Variants in FMR1NB observed in about 807,000 individuals in gnomAD.
FMR1NB encodes FMR1 neighbor protein.
Under a neutral mutation model 16.8 loss-of-function variants are expected in FMR1NB, and 10 were observed. That is an observed-to-expected ratio of 0.60 (90% CI 0.37 to 1.01). The LOEUF (loss-of-function observed/expected upper bound fraction) is 1.01. Among genes scored for constraint, FMR1NB ranks in the 50% least tolerant of loss-of-function variants. FMR1NB has a pLI of 0.01. For missense variants in FMR1NB, 205 were observed against 204.8 expected (o/e 1.00, Z 0.00); for synonymous variants, 83 against 79.1 (o/e 1.05, Z -0.26).
At chrX:148,023,963 G>A (rs953848117) in intron 4 of FMR1NB, among the ~76,000 whole-genome samples, 4 of 111,243 alleles carry the variant, frequency 3.6e-5, no homozygotes, top group African/African-American at 1.3e-4. Context: ...TTTCCGTCTT[G>A]GTGCCTCAGT....
chrX:147,986,018 G>T (rs1172589540), intron 1 of FMR1NB, among the ~76,000 whole-genome samples: 2 of 112,254 alleles, frequency 1.8e-5, no homozygotes, highest in Non-Finnish European at 3.8e-5. Flanking sequence ...ATTCTAACTG[G>T]CTTGAGATGG....
chrX:147,981,509 C>A lies in FMR1NB; in HGVS notation c.107C>A (p.Ser36Ter). Residue 36 changes from serine to a stop codon, truncating the protein, a stop_gained, in exon 1 of 6, where the codon TCG becomes TAG. Coordinates refer to ENST00000370467, the MANE Select transcript of FMR1NB (RefSeq NM_152578.3). LOFTEE classifies it high-confidence loss of function. Reference protein sequence around the residue: ...LATYELAATESNPESSHPGYE... With the variant: ...LATYELAATE ...ACTTATGAGTTGGCGGCAACTGAGT[C>A]GAATCCCGAGAGCAGCCATCCTGGA... is the stretch of plus-strand genomic sequence containing the variant. 8.3e-7 allele frequency: 1 copy of A among 1,211,694 alleles called. No homozygotes were observed. Among genetic ancestry groups the A allele is most frequent in the Non-Finnish European group, 1.1e-6 (1 of 895,470 alleles).
At chrX:148,002,176 GA>G (rs2055605406) in intron 1 of FMR1NB, among the ~76,000 whole-genome samples, 1 of 111,374 alleles carries the variant, frequency 9.0e-6, no homozygotes, top group African/African-American at 3.3e-5. Context: ...CAATTACCTT[GA>G]AAAAAATATT....
chrX:148,002,573 A>G (rs2044576226), intron 1 of FMR1NB, among the ~76,000 whole-genome samples: 1 of 112,467 alleles, frequency 8.9e-6, no homozygotes, highest in African/African-American at 3.2e-5. Flanking sequence ...AATAAATTGT[A>G]AACAGCCTAA....
intron 4 of FMR1NB, among the ~76,000 whole-genome samples, chrX:148,009,135 A>T (rs782162296): frequency 8.9e-5 from 10 of 111,756 alleles, no homozygotes; most frequent in Non-Finnish European, 1.7e-4. Context: ...GTGAGCCAAG[A>T]TCCCACCACT....
chrX:148,008,756 G>A (rs6626977), intron 4 of FMR1NB, 45 bp downstream of exon 4: 90,079 of 1,047,123 alleles, frequency 0.086, 4,652 homozygotes, highest in African/African-American at 0.38. Context: ...AAGTATACAT[G>A]AGTATTTGTG....
At chrX:147,995,092 A>G (rs1373224121) in intron 1 of FMR1NB, among the ~76,000 whole-genome samples, 2 of 111,890 alleles carry the variant, frequency 1.8e-5, no homozygotes, top group Admixed American at 9.5e-5. Flanking sequence ...AGGAAAGACT[A>G]TTTCAACCTG....
intron 1 of FMR1NB, 36 bp downstream of exon 1, chrX:147,981,715 G>A: frequency 1.0e-6 from 1 of 962,590 alleles, no homozygotes; most frequent in Non-Finnish European, 1.4e-6. Context: ...GGAAATGCTG[G>A]GGGAGGGGGA....
At chrX:148,001,199 AAG>A (rs1181244166) in intron 1 of FMR1NB, among the ~76,000 whole-genome samples, 1 of 112,140 alleles carries the variant, frequency 8.9e-6, no homozygotes, top group East Asian at 2.8e-4. Context: ...GGGACATAAA[AAG>A]AGACTTGAAT....
rs1441023222 is a variant in FMR1NB at position 148,025,467 on chromosome X, T to C, written c.*13+454T>C. ...CTACCTGTTCTTCAAACCTGCACGATGTAGTGTTAGAAGAGGTTGAGAGAG... is the reference window on the plus strand; with the variant it reads ...CTACCTGTTCTTCAAACCTGCACGACGTAGTGTTAGAAGAGGTTGAGAGAG... On this transcript the variant is annotated intron_variant, in intron 5 of 5. Coordinates refer to ENST00000370467, the MANE Select transcript of FMR1NB (RefSeq NM_152578.3). Among the ~76,000 whole-genome samples the C allele has an allele frequency of 2.7e-5, 3 of 111,527 alleles. No homozygotes were observed. In the Admixed American group the frequency reaches 2.9e-4, roughly 11 times the overall value.
intron 1 of FMR1NB, among the ~76,000 whole-genome samples, chrX:147,989,633 C>T (rs1375930686): frequency 8.9e-6 from 1 of 112,038 alleles, no homozygotes; most frequent in African/African-American, 3.2e-5. Context: ...CCCCTTTCCT[C>T]GGGTGCTCTG....
At chrX:147,986,840 T>A (rs1305743879) in intron 1 of FMR1NB, among the ~76,000 whole-genome samples, 4 of 111,897 alleles carry the variant, frequency 3.6e-5, no homozygotes, top group African/African-American at 1.3e-4. Context: ...AAAGTAGTAT[T>A]TTCTAGTTCT....
At chrX:148,017,874 A>AT (rs1465683658) in intron 4 of FMR1NB, among the ~76,000 whole-genome samples, 1 of 108,205 alleles carries the variant, frequency 9.2e-6, no homozygotes, top group Admixed American at 9.8e-5. Flanking sequence ...TGAACTCATC[A>AT]TTTTTTATGG....
At chrX:148,017,907 C>T (rs1440677482) in intron 4 of FMR1NB, among the ~76,000 whole-genome samples, 27 of 108,848 alleles carry the variant, frequency 2.5e-4, no homozygotes, top group South Asian at 1.2e-3. Context: ...CCATGGTGTA[C>T]ATGTGCCACA....
At chrX:147,994,812 T>A (rs1486715172) in intron 1 of FMR1NB, among the ~76,000 whole-genome samples, 1 of 112,441 alleles carries the variant, frequency 8.9e-6, no homozygotes, top group Non-Finnish European at 1.9e-5. Context: ...GGAGGTAATA[T>A]GTGACTGTAT....
intron 1 of FMR1NB, among the ~76,000 whole-genome samples, chrX:147,989,693 C>T (rs782507350): frequency 8.9e-6 from 1 of 111,888 alleles, no homozygotes; most frequent in East Asian, 2.8e-4. Context: ...GGGGTTGCTG[C>T]CTTTCTTTCA....
chrX:147,985,128 G>C (rs782801075), intron 1 of FMR1NB, among the ~76,000 whole-genome samples: 74 of 111,115 alleles, frequency 6.7e-4, no homozygotes, highest in Non-Finnish European at 7.4e-4. Context: ...TTGGTCTGCA[G>C]TTTTCTTGTG....
At chrX:148,015,158 A>G (rs1557190033) in intron 4 of FMR1NB, among the ~76,000 whole-genome samples, 1 of 111,418 alleles carries the variant, frequency 9.0e-6, no homozygotes, top group Admixed American at 9.6e-5. Context: ...TTTCTATGGT[A>G]TCAGTTATAA....
At chrX:148,022,908 G>GA (rs1455467439) in intron 4 of FMR1NB, among the ~76,000 whole-genome samples, 31 of 111,836 alleles carry the variant, frequency 2.8e-4, no homozygotes, top group Middle Eastern at 4.7e-3. Flanking sequence ...CACAGCATTA[G>GA]AAAAAAGCAT....
Sources: allele counts gnomAD v4.1 joint callset (sites outside exome capture counted in the v4.1 genomes callset), GRCh38; gene constraint gnomAD v4.1.1; transcripts MANE v1.5; gene names NCBI Gene and HGNC (gene_info 2026-07-23, HGNC 2026-07-21).